The following KIAA0753 variants were observed in gnomAD, a reference collection of about 807,000 sequenced individuals.
KIAA0753 encodes protein moonraker.
In KIAA0753, 114 loss-of-function variants were observed where a neutral mutation model predicts 116.9. The ratio of observed to expected loss-of-function variants is 0.98; its 90% CI spans 0.84 to 1.14. The LOEUF is 1.14. Among genes scored for constraint, KIAA0753 ranks in the 50% most tolerant of loss-of-function variants. The pLI is 0.00. For missense variants in KIAA0753, 1,156 were observed against 1,172.4 expected, an observed-to-expected ratio of 0.99 and a Z score of 0.20; for synonymous variants, 405 against 413.1, an observed-to-expected ratio of 0.98 and a Z score of 0.24.
intron 16 of KIAA0753, among the ~76,000 whole-genome samples, chr17:6,593,337 C>T (rs986184161): frequency 2.6e-5 from 4 of 151,798 alleles, no homozygotes; most frequent in Non-Finnish European, 5.9e-5. Context: ...CCCAGCACTT[C>T]GGGAGGCCGG....
rs1038198041 is a variant in KIAA0753 at position 6,601,542 on chromosome 17, T to G, written c.2010-1084A>C. Among the ~76,000 whole-genome samples the G allele has an allele frequency of 2.0e-5, 3 of 152,194 alleles. No individual in the cohort carries two copies. The South Asian group carries it at 6.2e-4, about 31-fold the overall frequency. ...GGAAAGACCTAAAGACCAACATAAGTGTCCTTAACAAACAGTCCAGGTGTT... is the reference window on the plus strand; with the variant it reads ...GGAAAGACCTAAAGACCAACATAAGGGTCCTTAACAAACAGTCCAGGTGTT... On this transcript the variant is annotated intron_variant, in intron 12 of 18. Coordinates refer to ENST00000361413, the MANE Select transcript of KIAA0753 (RefSeq NM_014804.3).
chr17:6,595,232 GC>G (rs1969382946), intron 15 of KIAA0753, among the ~76,000 whole-genome samples, 179 bp from the exon 16 acceptor site: 1 of 152,176 alleles, frequency 6.6e-6, no homozygotes, highest in African/African-American at 2.4e-5. Context: ...ATAAAATGAA[GC>G]AATTAGCATA....
At chr17:6,594,632 A>C (rs1969334074) in intron 16 of KIAA0753, among the ~76,000 whole-genome samples, 1 of 152,168 alleles carries the variant, frequency 6.6e-6, no homozygotes, top group Non-Finnish European at 1.5e-5. Context: ...GTTGTCAAAA[A>C]CCACCAAATA....
At chr17:6,629,945 C>T (rs933662017) in intron 2 of KIAA0753, among the ~76,000 whole-genome samples, 2 of 151,966 alleles carry the variant, frequency 1.3e-5, no homozygotes, top group Non-Finnish European at 2.9e-5. Context: ...ATGGCAAAAC[C>T]CCATCTCTAC....
Position 6,596,358 on chromosome 17 carries a change from G to A in KIAA0753, c.2173-15C>T, listed in dbSNP as rs1969485608. 1.2e-6 allele frequency: 2 copies of A among 1,605,178 alleles called. No homozygotes were observed. The highest frequency in any genetic ancestry group is 2.7e-5 in the African/African-American group (2 of 74,718). On this transcript the variant is annotated splice_polypyrimidine_tract_variant and intron_variant, in intron 14 of 18. Coordinates refer to ENST00000361413, the MANE Select transcript of KIAA0753 (RefSeq NM_014804.3). Reference sequence around the variant, plus strand: ...ACAGCTGCAACCTACAAGATGGGGTGGGGTGGGGAGGAGAGGCATGGGGTG... The same window carrying A: ...ACAGCTGCAACCTACAAGATGGGGTAGGGTGGGGAGGAGAGGCATGGGGTG...
At chr17:6,584,681 T>C (rs775980252) in intron 18 of KIAA0753, among the ~76,000 whole-genome samples, 6 of 152,226 alleles carry the variant, frequency 3.9e-5, no homozygotes, top group Non-Finnish European at 5.9e-5. Flanking sequence ...AAAAATCTTG[T>C]CCTGGAAAGG....
In KIAA0753 at chr17:6,579,060, T is replaced by C. The variant is rs569436475; in HGVS notation, c.*687A>G. The C allele has an allele frequency of 1.3e-5, 2 of 152,038 alleles. No homozygotes were observed. The highest frequency in any genetic ancestry group is 3.9e-4 in the East Asian group (2 of 5,194). The allele number at this position is 152,038 out of a possible 1,614,324, so 9.4% of individuals were successfully genotyped here. ...TCCTCTGAATCCAGAGAAAGTTTTT[T>C]ATACCAGATTGTGTCAACACACAGC... On this transcript the variant is annotated 3_prime_UTR_variant, in exon 19 of 19. Transcript: ENST00000361413.
Position 6,599,295 on chromosome 17 carries a change from T to C in KIAA0753, c.2114A>G (p.Asn705Ser), listed in dbSNP as rs1425777089. 6.2e-7 allele frequency: 1 copy of C among 1,613,552 alleles called. No individual in the cohort carries two copies. Among genetic ancestry groups the C allele is most frequent in the Non-Finnish European group, 8.5e-7 (1 of 1,179,528 alleles). The change falls in exon 14 of 19, where the codon AAT (asparagine) becomes AGT (serine). Residue 705 changes from asparagine (N) to serine (S), a missense_variant. Physicochemically the swap from Asn to Ser is conservative, Grantham distance 46 (BLOSUM62 1). Coordinates refer to ENST00000361413, the MANE Select transcript of KIAA0753 (RefSeq NM_014804.3). ...TGACGAGCCATCTTTCAAATGAATA[T>C]TTGCTTCTGTAGTAGAATTGACTCT... ...AQRVNSTTEA[N>S]IHLKDGSSVN...
intron 1 of KIAA0753, chr17:6,638,254 TCCCGAGCCACGGGTCCC>T (rs1972457834): frequency 6.6e-6 from 1 of 150,752 alleles, no homozygotes; most frequent in African/African-American, 2.5e-5. Context: ...CCACAGCTCC[TCCCGAGCCACGGGTCCC>T]CCCGAAGCCA....
chr17:6,596,106 C>A, intron 15 of KIAA0753, 52 bp downstream of exon 15: 1 of 1,555,570 alleles, frequency 6.4e-7, no homozygotes, highest in Non-Finnish European at 8.8e-7. Flanking sequence ...AAATTGCACT[C>A]GGCAGAGGCC....
intron 7 of KIAA0753, among the ~76,000 whole-genome samples, chr17:6,618,023 A>G (rs978084604): frequency 2.0e-5 from 3 of 152,000 alleles, no homozygotes; most frequent in Non-Finnish European, 2.9e-5. Context: ...AATCACTTGA[A>G]CCTGGGAGGC....
intron 18 of KIAA0753, among the ~76,000 whole-genome samples, chr17:6,583,963 G>T (rs1968382277): frequency 6.6e-6 from 1 of 152,170 alleles, no homozygotes; most frequent in South Asian, 2.1e-4. Context: ...GTTTTCTAAT[G>T]CATGGTGCCT....
intron 8 of KIAA0753, among the ~76,000 whole-genome samples, chr17:6,611,303 A>AT (rs1026624237): frequency 2.4e-4 from 36 of 149,524 alleles, no homozygotes; most frequent in East Asian, 1.6e-3. Context: ...GCAGGAACTA[A>AT]TTTTTTTTTT....
chr17:6,613,229 T>C (rs995643686), intron 7 of KIAA0753, among the ~76,000 whole-genome samples: 10 of 152,278 alleles, frequency 6.6e-5, no homozygotes, highest in Admixed American at 3.9e-4. Context: ...GGAAGAAATC[T>C]AATGAAAGAA....
intron 12 of KIAA0753, among the ~76,000 whole-genome samples, chr17:6,604,368 A>C (rs1456424484): frequency 2.0e-5 from 3 of 151,850 alleles, no homozygotes; most frequent in Admixed American, 2.0e-4. Context: ...CAGCCTCCCA[A>C]ATAGCTGGGA....
At chr17:6,607,527 T>A (rs1188095163) in intron 10 of KIAA0753, among the ~76,000 whole-genome samples, 1 of 152,204 alleles carries the variant, frequency 6.6e-6, no homozygotes, top group Non-Finnish European at 1.5e-5. Flanking sequence ...TCACTCAGAC[T>A]TGGGGTTTCT....
rs1350049005 is a variant in KIAA0753 at position 6,608,482 on chromosome 17, G to A, written c.1713-18C>T. The A allele has an allele frequency of 7.2e-7, 1 of 1,393,538 alleles. No individual in the cohort carries two copies. 86.3% of individuals were successfully genotyped at this position (1,393,538 alleles called of 1,614,324 possible). ...ATGCAGCACTGAAATAAATGGAAAA[G>A]CATACCTTTGTCATCATTCACTCCG... On this transcript the variant is annotated intron_variant, in intron 9 of 18. Transcript: ENST00000361413.
Position 6,600,461 on chromosome 17 carries a change from A to G in KIAA0753, c.2010-3T>C. On this transcript the variant is annotated splice_region_variant and splice_polypyrimidine_tract_variant and intron_variant, in intron 12 of 18. Coordinates refer to ENST00000361413, the MANE Select transcript of KIAA0753 (RefSeq NM_014804.3). ...CTGCTAAGTGGGTGGCAGAAACACT[A>G]TTTAGAAATAAAATTGAAAATTAAA... is the stretch of plus-strand genomic sequence containing the variant. The G allele has an allele frequency of 6.2e-7, 1 of 1,608,344 alleles. No individual in the cohort carries two copies.
chr17:6,582,114 C>G (rs919620856), intron 18 of KIAA0753, among the ~76,000 whole-genome samples: 11 of 152,134 alleles, frequency 7.2e-5, no homozygotes, highest in African/African-American at 2.2e-4. Context: ...CCAGCCTTCC[C>G]CTAGAAACCT....
Sources: allele counts gnomAD v4.1 joint callset (sites outside exome capture counted in the v4.1 genomes callset), GRCh38; gene constraint gnomAD v4.1.1; transcripts MANE v1.5; gene names NCBI Gene and HGNC (gene_info 2026-07-23, HGNC 2026-07-21).